Variants in OSBPL1A observed in about 807,000 individuals in gnomAD.
The protein encoded by OSBPL1A is oxysterol-binding protein-related protein 1.
A neutral mutation model predicts 137.1 loss-of-function variants in OSBPL1A; 80 were observed. The ratio of observed to expected loss-of-function variants is 0.58; its 90% CI spans 0.49 to 0.70. The LOEUF (loss-of-function observed/expected upper bound fraction) is 0.70, where lower values mean the gene tolerates loss of function less well. Among genes scored for constraint, OSBPL1A ranks in the 30% least tolerant of loss-of-function variants. The pLI, the probability that OSBPL1A is intolerant of heterozygous loss-of-function variation, is 0.00. For missense variants in OSBPL1A, 970 were observed against 1,129.4 expected (o/e 0.86, Z 2.02); for synonymous variants, 365 against 389.7 (o/e 0.94, Z 0.75).
At chr18:24,230,650 T>C (rs1411022317) in intron 16 of OSBPL1A, among the ~76,000 whole-genome samples, 3 of 152,220 alleles carry the variant, frequency 2.0e-5, no homozygotes, top group African/African-American at 7.2e-5. Context: ...CTTCAGACAA[T>C]GGCAGCCTGT....
At chr18:24,292,686 A>G (rs1420785792) in intron 14 of OSBPL1A, among the ~76,000 whole-genome samples, 1 of 152,198 alleles carries the variant, frequency 6.6e-6, no homozygotes, top group African/African-American at 2.4e-5. Flanking sequence ...ACTCATAGGA[A>G]GTCTGATAAG....
rs542447999 is a variant in OSBPL1A at position 24,233,629 on chromosome 18, TTCTTTCTC to T, written c.1444+5583_1444+5590del. On this transcript the variant is annotated intron_variant, in intron 16 of 27. Transcript: ENST00000319481. ...TGGTCCCTATTATATTTTTCTTTCT[TTCTTTCTC>T]TCTTTCTCTCTCTCTCTCTTTCTTT... is the stretch of plus-strand genomic sequence containing the variant. Among the ~76,000 whole-genome samples, 76 of 152,276 alleles carry T rather than the reference TTCTTTCTC, an allele frequency of 5.0e-4. No homozygotes were observed. The East Asian group carries it at 0.01, about 21-fold the overall frequency.
intron 17 of OSBPL1A, 50 bp from the exon 18 acceptor site, chr18:24,196,250 C>T: frequency 7.6e-7 from 1 of 1,320,794 alleles, no homozygotes; most frequent in Admixed American, 1.8e-5. Context: ...CCATTGTCAG[C>T]AGGAGGGAAG....
intron 23 of OSBPL1A, 61 bp downstream of exon 23, chr18:24,171,348 A>C: frequency 7.7e-7 from 1 of 1,305,470 alleles, no homozygotes; most frequent in Non-Finnish European, 1.1e-6. Flanking sequence ...GTATTTTAAT[A>C]CCGACATTTT....
chr18:24,172,761 A>G (rs1298928244), intron 21 of OSBPL1A, among the ~76,000 whole-genome samples: 2 of 152,210 alleles, frequency 1.3e-5, no homozygotes, highest in Non-Finnish European at 2.9e-5. Context: ...AGCATTCAAA[A>G]GTGTCATGAA....
At chr18:24,313,149 G>A (rs1277796741) in intron 12 of OSBPL1A, among the ~76,000 whole-genome samples, 1 of 129,810 alleles carries the variant, frequency 7.7e-6, no homozygotes, top group African/African-American at 2.9e-5. Context: ...ATAAATAAAA[G>A]AAAAAGAAAA....
intron 17 of OSBPL1A, among the ~76,000 whole-genome samples, chr18:24,201,119 T>A (rs761892335): frequency 1.3e-5 from 2 of 152,108 alleles, no homozygotes; most frequent in Non-Finnish European, 2.9e-5. Flanking sequence ...TTCCTTTTTC[T>A]CTTCATACAG....
chr18:24,320,081 G>A, intron 7 of OSBPL1A, among the ~76,000 whole-genome samples: 1 of 152,036 alleles, frequency 6.6e-6, no homozygotes, highest in East Asian at 1.9e-4. Context: ...GTGAGACTCT[G>A]TCTCTAAAAA....
chr18:24,371,650 C>G (rs1431231581), intron 2 of OSBPL1A, among the ~76,000 whole-genome samples: 1 of 152,166 alleles, frequency 6.6e-6, no homozygotes, highest in East Asian at 1.9e-4. Context: ...ACTCTGTGCT[C>G]CCTGGCAGCT....
At chr18:24,280,595 T>C (rs545046683) in intron 15 of OSBPL1A, among the ~76,000 whole-genome samples, 16 of 152,308 alleles carry the variant, frequency 1.1e-4, no homozygotes, top group African/African-American at 3.6e-4. Context: ...CAATCCTGAG[T>C]AGATCAATTT....
chr18:24,308,673 T>G (rs2090554654), intron 13 of OSBPL1A, among the ~76,000 whole-genome samples: 1 of 152,198 alleles, frequency 6.6e-6, no homozygotes, highest in Non-Finnish European at 1.5e-5. Flanking sequence ...GCTGGAAATA[T>G]TCTATATCTT....
chr18:24,222,509 A>G (rs2087924750), intron 17 of OSBPL1A, among the ~76,000 whole-genome samples: 1 of 152,172 alleles, frequency 6.6e-6, no homozygotes, highest in Non-Finnish European at 1.5e-5. Flanking sequence ...CTCCCACGGA[A>G]TGTGGCCAAG....
intron 14 of OSBPL1A, among the ~76,000 whole-genome samples, chr18:24,299,659 T>A (rs2090360587): frequency 6.6e-6 from 1 of 152,170 alleles, no homozygotes; most frequent in Admixed American, 6.5e-5. Flanking sequence ...AAAGTCAACA[T>A]GAAGGAAAGA....
intron 11 of OSBPL1A, 89 bp from the exon 12 acceptor site, chr18:24,314,436 A>G (rs191208806): frequency 6.0e-5 from 52 of 864,286 alleles, no homozygotes; most frequent in African/African-American, 8.5e-5. Context: ...AAGTAGTGAC[A>G]TGACTTAACG....
intron 4 of OSBPL1A, among the ~76,000 whole-genome samples, chr18:24,363,443 T>A (rs2091655430): frequency 6.9e-6 from 1 of 145,038 alleles, no homozygotes; most frequent in Admixed American, 6.8e-5. Flanking sequence ...TTTTTCTTTT[T>A]TTCCTTTTTT....
At chr18:24,283,744 T>A (rs1421907045) in intron 14 of OSBPL1A, among the ~76,000 whole-genome samples, 4 of 152,164 alleles carry the variant, frequency 2.6e-5, no homozygotes, top group Non-Finnish European at 5.9e-5. Context: ...GGCAGGAAGA[T>A]AGAAGCATAA....
At chr18:24,237,328 G>T (rs1380505704) in intron 16 of OSBPL1A, among the ~76,000 whole-genome samples, 1 of 151,954 alleles carries the variant, frequency 6.6e-6, no homozygotes, top group African/African-American at 2.4e-5. Flanking sequence ...TTTGAGACAG[G>T]GTCTCATTCT....
intron 1 of OSBPL1A, among the ~76,000 whole-genome samples, chr18:24,383,464 A>C (rs548643705): frequency 6.6e-6 from 1 of 152,278 alleles, no homozygotes; most frequent in Admixed American, 6.5e-5. Context: ...AAGGATAAAA[A>C]TAAATCTATT....
intron 13 of OSBPL1A, among the ~76,000 whole-genome samples, chr18:24,304,093 C>G (rs1412785734): frequency 6.6e-6 from 1 of 151,884 alleles, no homozygotes; most frequent in Non-Finnish European, 1.5e-5. Flanking sequence ...AAATGCATTC[C>G]TTAAAAATAT....
Sources: gnomAD v4.1 joint callset for allele counts (sites outside exome capture counted in the v4.1 genomes callset) on GRCh38, gnomAD v4.1.1 for gene constraint, MANE v1.5 for transcripts, NCBI Gene and HGNC (gene_info 2026-07-23, HGNC 2026-07-21) for gene names.